The following ENDOV variants were observed in gnomAD, a reference collection of about 807,000 sequenced individuals.
ENDOV encodes the protein hEndoV.
ENDOV carries 37 observed loss-of-function variants against 39.4 expected under a neutral mutation model. The observed-to-expected ratio is 0.94, with a 90% CI of 0.72 to 1.23. The LOEUF (loss-of-function observed/expected upper bound fraction) is 1.23. Among genes scored for constraint, ENDOV ranks in the 50% most tolerant of loss-of-function variants. The pLI, the probability that ENDOV is intolerant of heterozygous loss-of-function variation, is 0.00. For synonymous variants in ENDOV, 186 were observed against 163.4 expected, an observed-to-expected ratio of 1.14 and a Z score of -1.05; for missense variants, 441 against 375.7, an observed-to-expected ratio of 1.17 and a Z score of -1.44.
chr17:80,422,200 C>T lies in ENDOV; in HGVS notation c.364-6C>T, dbSNP rs374693794. 1.2e-6 allele frequency: 2 copies of T among 1,613,706 alleles called. No individual in the cohort carries two copies. Among genetic ancestry groups the T allele is most frequent in the African/African-American group, 2.7e-5 (2 of 75,048 alleles). ...GCTGACTGTGACTCTCCCTGTGGCT[C>T]CATAGGTCCTTCTTGTGGATGGAAA... On this transcript the variant is annotated splice_polypyrimidine_tract_variant and splice_region_variant and intron_variant, in intron 3 of 9. Transcript: ENST00000518137.
intron 2 of ENDOV, chr17:80,418,357 C>T (rs928968932): frequency 6.6e-6 from 1 of 152,228 alleles, no homozygotes; most frequent in Admixed American, 6.5e-5. Flanking sequence ...TCCTGGGCCT[C>T]TTTTGAATGC....
rs1308797847 is a variant in ENDOV at position 80,437,253 on chromosome 17, C to T, written c.*1110C>T. On this transcript the variant is annotated 3_prime_UTR_variant, in exon 10 of 10. Coordinates refer to ENST00000518137, the MANE Select transcript of ENDOV (RefSeq NM_173627.5). The stretch of plus-strand genomic sequence containing the variant: ...CACCTAAGCCCAAGAGTCAGAGAGT[C>T]GGAGCTCCAACCACATCTGCCTGCA... 8 of 152,692 alleles carry T rather than the reference C, an allele frequency of 5.2e-5. No homozygotes were observed. The highest frequency in any genetic ancestry group is 3.8e-4 in the East Asian group (2 of 5,202). The allele number at this position is 152,692 out of a possible 1,614,324, so 9.5% of individuals were successfully genotyped here.
chr17:80,429,758 C>A lies in ENDOV; in HGVS notation c.780-15C>A. 1 of 1,594,004 alleles carries A rather than the reference C, an allele frequency of 6.3e-7. No homozygotes were observed. Among genetic ancestry groups the A allele is most frequent in the South Asian group, 1.1e-5 (1 of 88,322 alleles). Reference sequence around the variant, plus strand: ...CTAGCATCTGATGCTGTCCCTTTCTCAATGTCATCACCAGGAGCCCGAAGG... The same window carrying A: ...CTAGCATCTGATGCTGTCCCTTTCTAAATGTCATCACCAGGAGCCCGAAGG... On this transcript the variant is annotated splice_polypyrimidine_tract_variant and intron_variant, in intron 8 of 9. Transcript: ENST00000518137.
chr17:80,415,419 G>C (rs1023848070), intron 1 of ENDOV, 169 bp downstream of exon 1: 1 of 1,021,746 alleles, frequency 9.8e-7, no homozygotes, highest in Non-Finnish European at 1.4e-6. Flanking sequence ...AGGAATTGTA[G>C]TCCGCGGGGT....
intron 1 of ENDOV, 133 bp from the exon 2 acceptor site, chr17:80,415,517 C>T (rs2080989047): frequency 2.5e-6 from 3 of 1,210,868 alleles, no homozygotes; most frequent in African/African-American, 1.5e-5. Context: ...GTGGCCTCGG[C>T]GGTATGTCCC....
intron 2 of ENDOV, chr17:80,418,282 A>G (rs2081470379): frequency 1.3e-5 from 2 of 152,254 alleles, no homozygotes; most frequent in South Asian, 4.1e-4. Flanking sequence ...CATGGAAAGC[A>G]GTTAACACAG....
Position 80,423,624 on chromosome 17 carries a change from AAGG to A in ENDOV, c.511_513del (p.Glu171del). ...TGGGCTGGAGAACAACGCCCTGCAC[AAGG>A]AGAAGGTGAGGAGGGGCCTGCTGCA... is the stretch of plus-strand genomic sequence containing the variant. On this transcript the variant is annotated inframe_deletion, in exon 5 of 10. Transcript: ENST00000518137. 3 of 1,551,348 alleles carry A rather than the reference AAGG, an allele frequency of 1.9e-6. No individual in the cohort carries two copies. Among genetic ancestry groups the A allele is most frequent in the Non-Finnish European group, 2.6e-6 (3 of 1,148,110 alleles).
rs1417986380 is a variant in ENDOV, at chr17:80,428,562, G to C, written c.715-34G>C. 2.6e-6 allele frequency: 4 copies of C among 1,559,908 alleles called. No individual in the cohort carries two copies. In the Admixed American group the frequency reaches 5.7e-5, roughly 22 times the overall value. ...TGGTGGGAAACTGGTCTAGAGACCA[G>C]CTCAGCACCCAGCAGCACGTCTGTC... On this transcript the variant is annotated intron_variant, in intron 7 of 9. Transcript: ENST00000518137.
chr17:80,415,914 G>A, intron 2 of ENDOV, 93 bp downstream of exon 2: 3 of 1,457,314 alleles, frequency 2.1e-6, no homozygotes, highest in Non-Finnish European at 2.8e-6. Flanking sequence ...CGTAGAACCC[G>A]GCTTCTCGTT....
chr17:80,428,688 A>C, intron 8 of ENDOV, 28 bp downstream of exon 8: 2 of 1,558,258 alleles, frequency 1.3e-6, no homozygotes, highest in Non-Finnish European at 1.7e-6. Context: ...CTGGGGCACT[A>C]AAGGGGCATC....
chr17:80,425,583 G>A lies in ENDOV; in HGVS notation c.677G>A (p.Cys226Tyr). 6.3e-7 allele frequency: 1 copy of A among 1,591,080 alleles called. No individual in the cohort carries two copies. Among genetic ancestry groups the A allele is most frequent in the Non-Finnish European group, 8.5e-7 (1 of 1,173,464 alleles). The change falls in exon 7 of 10, where the codon TGC becomes TAC. Residue 226 changes from cysteine to tyrosine, a missense_variant. By Grantham distance (194) the Cys-to-Tyr change is radical (BLOSUM62 -2). Transcript: ENST00000518137. ...SLEAAVRLTC[C>Y]CCRFRIPEPV... is the part of the protein sequence containing the mutation. ...GAGGCCGCTGTGCGCCTGACTTGCT[G>A]CTGCTGCAGGTTCCGGATCCCAGAG... is the stretch of plus-strand genomic sequence containing the variant.
At position 80,415,466 on chromosome 17, in the gene ENDOV, T is replaced by A. The variant is rs570205699; in HGVS notation, c.57-184T>A. The stretch of plus-strand genomic sequence containing the variant: ...TCGCTTCCGGCCAGTTTGTCTGGCC[T>A]GCGCTTGCGCGGGTCTCCGCCGCCT... On this transcript the variant is annotated intron_variant, in intron 1 of 9. Coordinates refer to ENST00000518137, the MANE Select transcript of ENDOV (RefSeq NM_173627.5). 22 of 1,004,844 alleles carry A rather than the reference T, an allele frequency of 2.2e-5. No homozygotes were observed. In the East Asian group the frequency reaches 5.8e-4, roughly 26 times the overall value. 62.2% of individuals were successfully genotyped at this position (1,004,844 alleles called of 1,614,324 possible). A position where few individuals can be genotyped will look rare whatever the true frequency, so the allele number is the denominator to read the frequency against.
intron 9 of ENDOV, among the ~76,000 whole-genome samples, chr17:80,431,281 T>A (rs2083311134): frequency 6.6e-6 from 1 of 151,628 alleles, no homozygotes; most frequent in Non-Finnish European, 1.5e-5. Context: ...GGCCGGGGAG[T>A]GCTGGCCCCA....
intron 9 of ENDOV, among the ~76,000 whole-genome samples, chr17:80,432,169 C>T (rs886241127): frequency 6.6e-6 from 1 of 152,130 alleles, no homozygotes; most frequent in African/African-American, 2.4e-5. Context: ...TCACCGGGAA[C>T]ATGAACACCT....
At position 80,416,706 on chromosome 17, in the gene ENDOV, CCCTCCCTT is replaced by C. The variant is rs1412938441; in HGVS notation, c.228+889_228+896del. Among the ~76,000 whole-genome samples the C allele has an allele frequency of 9.1e-5, 13 of 142,984 alleles. No individual in the cohort carries two copies. In the East Asian group the frequency reaches 1.6e-3, roughly 18 times the overall value. The allele number at this position is 142,984 out of a possible 152,430, so 93.8% of individuals were successfully genotyped here. ...CAACAAGTCCCCTCCCTCCCTCCCT[CCCTCCCTT>C]CCTTCCTTCCTTCCTTCCTCCCTTC... is the stretch of plus-strand genomic sequence containing the variant. On this transcript the variant is annotated intron_variant, in intron 2 of 9. Transcript: ENST00000518137.
intron 9 of ENDOV, chr17:80,430,343 ATTC>A: frequency 6.5e-7 from 1 of 1,527,834 alleles, no homozygotes; most frequent in Admixed American, 2.0e-5. Context: ...GCTCTTTTTT[ATTC>A]TTCTCAGGAT....
At position 80,415,840 on chromosome 17, in the gene ENDOV, G is replaced by T; in HGVS notation, c.228+19G>T. On this transcript the variant is annotated intron_variant, in intron 2 of 9. Transcript: ENST00000518137. ...GCTCGAGGTAACCTGGGAGGACGCC[G>T]AGCTCGAGGCGGGCCCCTCGGTGGG... 6.3e-7 allele frequency: 1 copy of T among 1,579,000 alleles called. No individual in the cohort carries two copies.
In ENDOV at chr17:80,421,860, C is replaced by T. The variant is rs1417056601; in HGVS notation, c.261C>T (p.Leu87=). Reference sequence around the variant, plus strand: ...ATGAGGAGAGCCGCATGGTCAGCCTCACAGCCCCCTACGTGTCGGGCTTCC... The same window carrying T: ...ATGAGGAGAGCCGCATGGTCAGCCTTACAGCCCCCTACGTGTCGGGCTTCC... ...VVYEESRMVS[L]TAPYVSGFLA... The change falls in exon 3 of 10, where the codon CTC becomes CTT. Residue 87 remains leucine, a synonymous_variant. Transcript: ENST00000518137. 1.2e-6 allele frequency: 2 copies of T among 1,603,914 alleles called. No individual in the cohort carries two copies. Among genetic ancestry groups the T allele is most frequent in the South Asian group, 1.1e-5 (1 of 88,664 alleles).
chr17:80,421,943 AGCCGG>A lies in ENDOV; in HGVS notation c.348_352del (p.Gly117HisfsTer122). On this transcript the variant is annotated frameshift_variant, in exon 3 of 10. Coordinates refer to ENST00000518137, the MANE Select transcript of ENDOV (RefSeq NM_173627.5). LOFTEE classifies it high-confidence loss of function. ...CTGGTGCAGCAGCTGCGGGAGAAGGAGCCGGGCCTCATGCCCCAGGCAGGTGTCTC... is the reference window on the plus strand; with the variant it reads ...CTGGTGCAGCAGCTGCGGGAGAAGGAGCCTCATGCCCCAGGCAGGTGTCTC... 6.2e-7 allele frequency: 1 copy of A among 1,609,896 alleles called. No homozygotes were observed. Among genetic ancestry groups the A allele is most frequent in the Non-Finnish European group, 8.5e-7 (1 of 1,179,662 alleles).
Sources: gnomAD v4.1 joint callset for allele counts (sites outside exome capture counted in the v4.1 genomes callset) on GRCh38, gnomAD v4.1.1 for gene constraint, MANE v1.5 for transcripts, NCBI Gene and HGNC (gene_info 2026-07-23, HGNC 2026-07-21) for gene names.